The following PLCE1 variants were observed in gnomAD, a reference collection of about 807,000 sequenced individuals.
PLCE1 encodes the protein phospholipase C epsilon 1, also known as 1-phosphatidylinositol 4,5-bisphosphate phosphodiesterase epsilon-1.
PLCE1 carries 119 observed loss-of-function variants against 242.8 expected under a neutral mutation model. The ratio of observed to expected loss-of-function variants is 0.49; its 90% CI spans 0.42 to 0.57. PLCE1 has a LOEUF of 0.57. Among genes scored for constraint, PLCE1 ranks in the 20% least tolerant of loss-of-function variants. The pLI is 0.00. For missense variants in PLCE1, 2,441 were observed against 2,788.8 expected, an observed-to-expected ratio of 0.88 and a Z score of 2.81; for synonymous variants, 945 against 1,017.4, an observed-to-expected ratio of 0.93 and a Z score of 1.35.
chr10:94,216,524 A>G (rs888035744), intron 4 of PLCE1, among the ~76,000 whole-genome samples: 4 of 152,162 alleles, frequency 2.6e-5, no homozygotes, highest in African/African-American at 9.7e-5. Context: ...CAGGCAGTCC[A>G]GAGGTGGCAG....
chr10:94,069,506 C>T (rs904286526), intron 2 of PLCE1, among the ~76,000 whole-genome samples: 4 of 151,988 alleles, frequency 2.6e-5, no homozygotes, highest in South Asian at 2.1e-4. Flanking sequence ...CGAGCTACTC[C>T]GGAGCCTGAG....
chr10:94,261,853 T>C (rs554946713), intron 13 of PLCE1, among the ~76,000 whole-genome samples: 1 of 152,282 alleles, frequency 6.6e-6, no homozygotes, highest in Admixed American at 6.5e-5. Flanking sequence ...GGGTATATCT[T>C]CAATCTCTAC....
At chr10:94,218,550 A>G (rs906783407) in intron 4 of PLCE1, among the ~76,000 whole-genome samples, 4 of 152,182 alleles carry the variant, frequency 2.6e-5, no homozygotes, top group East Asian at 3.8e-4. Context: ...ACATAAACCA[A>G]TACTTCTGTC....
chr10:94,175,361 G>T (rs1047505919), intron 4 of PLCE1, among the ~76,000 whole-genome samples: 5 of 116,488 alleles, frequency 4.3e-5, no homozygotes, highest in African/African-American at 1.2e-4. Context: ...CTAGGTTCCT[G>T]CCATTACTCC....
intron 3 of PLCE1, among the ~76,000 whole-genome samples, chr10:94,151,202 C>A (rs546460346): frequency 6.6e-6 from 1 of 152,326 alleles, no homozygotes; most frequent in South Asian, 2.1e-4. Flanking sequence ...AATCATCTCT[C>A]ACAAGGCCAA....
At chr10:94,133,379 A>G (rs1590092372) in intron 3 of PLCE1, among the ~76,000 whole-genome samples, 1 of 152,200 alleles carries the variant, frequency 6.6e-6, no homozygotes, top group Non-Finnish European at 1.5e-5. Context: ...GCACCAAACA[A>G]CCTCAGAAAC....
intron 4 of PLCE1, among the ~76,000 whole-genome samples, chr10:94,212,945 C>T (rs547425761): frequency 1.4e-4 from 22 of 152,244 alleles, no homozygotes; most frequent in South Asian, 6.2e-4. Flanking sequence ...AGAGGGTTGC[C>T]GCATATGAAT....
At chr10:94,083,051 T>C (rs2044699248) in intron 2 of PLCE1, among the ~76,000 whole-genome samples, 1 of 152,194 alleles carries the variant, frequency 6.6e-6, no homozygotes, top group Non-Finnish European at 1.5e-5. Context: ...TCTCTATGAT[T>C]ATTTCTTTTT....
At chr10:94,121,338 C>A (rs1366987879) in intron 2 of PLCE1, among the ~76,000 whole-genome samples, 1 of 152,188 alleles carries the variant, frequency 6.6e-6, no homozygotes. Flanking sequence ...ACAAGGGGAG[C>A]TGAGTGGAAG....
intron 30 of PLCE1, among the ~76,000 whole-genome samples, chr10:94,323,979 C>T (rs2053918075): frequency 6.6e-6 from 1 of 152,224 alleles, no homozygotes; most frequent in Non-Finnish European, 1.5e-5. Context: ...GATTCTATTC[C>T]TCACTGGCTG....
intron 2 of PLCE1, among the ~76,000 whole-genome samples, chr10:94,048,697 T>G (rs1209323515): frequency 6.8e-6 from 1 of 146,272 alleles, no homozygotes; most frequent in Non-Finnish European, 1.5e-5. Context: ...ATAAATAATA[T>G]AAATATATAT....
intron 4 of PLCE1, among the ~76,000 whole-genome samples, chr10:94,206,756 A>G (rs962655047): frequency 2.0e-5 from 3 of 152,202 alleles, no homozygotes; most frequent in Admixed American, 2.0e-4. Flanking sequence ...CCTAGGGAAT[A>G]TTCCTTGAAC....
In PLCE1 at chr10:94,306,598, G is replaced by A. The variant is rs866123283; in HGVS notation, c.5794G>A (p.Asp1932Asn). ...EQFLFHVHFE[D>N]LVFLRFAVVE... is the part of the protein sequence containing the mutation. Reference sequence around the variant, plus strand: ...GTTTCTGTTCCACGTTCACTTCGAAGATCTTGTATTTCTTCGTTTTGCAGT... The same window carrying A: ...GTTTCTGTTCCACGTTCACTTCGAAAATCTTGTATTTCTTCGTTTTGCAGT... Residue 1932 changes from aspartate (D) to asparagine (N), a missense_variant, in exon 26 of 33, where the codon GAT becomes AAT. Asp to Asn is a conservative substitution (Grantham distance 23, BLOSUM62 1). Around this residue, in one of 5 missense-constraint regions of PLCE1, gnomAD observed 1,004 missense variants for 1,322.7 expected, o/e 0.76. Transcript: ENST00000371380. The surrounding 1 kb of genome is among the most constrained non-coding windows in gnomAD (Gnocchi z 5.7). 6.2e-7 allele frequency: 1 copy of A among 1,614,144 alleles called. No individual in the cohort carries two copies. Among genetic ancestry groups the A allele is most frequent in the South Asian group, 1.1e-5 (1 of 91,082 alleles).
At chr10:94,089,215 C>A in intron 2 of PLCE1, 1 of 1,614,020 alleles carries the variant, frequency 6.2e-7, no homozygotes, top group Non-Finnish European at 8.5e-7. Flanking sequence ...TCTGTGCAGC[C>A]TCTTAGGCAG....
intron 4 of PLCE1, among the ~76,000 whole-genome samples, chr10:94,207,156 G>A (rs545525115): frequency 3.3e-5 from 5 of 152,254 alleles, no homozygotes; most frequent in South Asian, 4.2e-4. Flanking sequence ...GCCCTGGCTC[G>A]TGTGGGGAGG....
Position 94,140,410 on chromosome 10 carries a change from G to A in PLCE1, c.1492+7951G>A, listed in dbSNP as rs189993285. On this transcript the variant is annotated intron_variant, in intron 3 of 32. Transcript: ENST00000371380. ...AAAAAAAAGTTAACCAGGCGTGGTG[G>A]CATACACCTGCAGTCCCAGCTACTT... 3.9e-3 allele frequency among the ~76,000 whole-genome samples: 587 copies of A among 151,886 alleles called. 2 individuals carry two copies. The highest frequency in any genetic ancestry group is 5.8e-3 in the Non-Finnish European group (396 of 67,962).
In PLCE1 at chr10:94,283,872, G is replaced by A. The variant is rs960684144; in HGVS notation, c.4878G>A (p.Arg1626=). 4.3e-6 allele frequency: 7 copies of A among 1,612,110 alleles called. No homozygotes were observed. The highest frequency in any genetic ancestry group is 1.1e-5 in the South Asian group (1 of 91,000). Residue 1626 remains arginine (R), a synonymous_variant, in exon 21 of 33, where the codon AGG becomes AGA. Coordinates refer to ENST00000371380, the MANE Select transcript of PLCE1 (RefSeq NM_016341.4). ...AATATAATGAAGAAATCCCAAAGAG[G>A]ATAAAGAAAGCAGATAACTCTGCTT... ...QFEYNEEIPK[R]IKKADNSACN... is the part of the protein sequence containing the mutation.
intron 24 of PLCE1, among the ~76,000 whole-genome samples, chr10:94,303,727 T>C (rs1210162442): frequency 1.3e-5 from 2 of 152,176 alleles, no homozygotes; most frequent in African/African-American, 4.8e-5. Flanking sequence ...TAAAATTTAG[T>C]ATAAAATAAG....
At chr10:94,297,492 C>T (rs1298926022) in intron 23 of PLCE1, among the ~76,000 whole-genome samples, 1 of 146,386 alleles carries the variant, frequency 6.8e-6, no homozygotes, top group African/African-American at 2.5e-5. Flanking sequence ...GCAAGAATTA[C>T]TAAAATGTGA....
Sources: gnomAD v4.1 joint callset for allele counts (sites outside exome capture counted in the v4.1 genomes callset) on GRCh38, gnomAD v4.1.1 for gene constraint, gnomAD v4.1.1 regional missense constraint, Gnocchi (gnomAD v3.1) non-coding constraint, MANE v1.5 for transcripts, NCBI Gene and HGNC (gene_info 2026-07-23, HGNC 2026-07-21) for gene names.